RYR1: variants seen among roughly 807,000 people sequenced by gnomAD.
RYR1 encodes the protein central core disease of muscle.
Under a neutral mutation model 583.5 loss-of-function variants are expected in RYR1, and 342 were observed. That is an observed-to-expected ratio of 0.59 (90% CI 0.54 to 0.64). The LOEUF is 0.64. Among genes scored for constraint, RYR1 ranks in the 30% least tolerant of loss-of-function variants. The probability of loss-of-function intolerance (pLI) is 0.00; values close to 1 mark genes in which losing one functional copy is unlikely to be tolerated. For synonymous variants in RYR1, 2,791 were observed against 2,822.5 expected (o/e 0.99, Z 0.35); for missense variants, 6,032 against 6,917.2 (o/e 0.87, Z 4.54).
At position 38,466,170 on chromosome 19, in the gene RYR1, G is replaced by A; in HGVS notation, c.2950G>A (p.Val984Met). ...GCTGACGCCGGCGCAGACGACACTG[G>A]TGGACCGTCTGGCAGAAAATGGGCA... ...VRLTPAQTTL[V>M]DRLAENGHNV... Residue 984 changes from valine (V) to methionine (M), a missense_variant, in exon 24 of 106, where the codon GTG becomes ATG. By Grantham distance (21) the Val-to-Met change is conservative (BLOSUM62 1). This residue lies in a region of RYR1 where 2,627 missense variants were observed against 2,961.3 expected (regional missense o/e 0.89). Coordinates refer to ENST00000359596, the MANE Select transcript of RYR1 (RefSeq NM_000540.3). 1 of 1,613,554 alleles carries A rather than the reference G, an allele frequency of 6.2e-7. No homozygotes were observed. The highest frequency in any genetic ancestry group is 8.5e-7 in the Non-Finnish European group (1 of 1,179,934).
intron 34 of RYR1, 106 bp downstream of exon 34, chr19:38,486,308 T>C: frequency 7.4e-7 from 1 of 1,349,174 alleles, no homozygotes; most frequent in Non-Finnish European, 1.1e-6. Flanking sequence ...CAACCACCCA[T>C]TCATTCCCTC....
rs1263202009 is a variant in RYR1, at chr19:38,500,943, G to C, written c.7567G>C (p.Asp2523His). Residue 2523 changes from aspartate to histidine, a missense_variant, in exon 47 of 106, where the codon GAC becomes CAC. Coordinates refer to ENST00000359596, the MANE Select transcript of RYR1 (RefSeq NM_000540.3). This position sits in a 1 kb window ranked among gnomAD's most constrained non-coding sequence, Gnocchi z 5.9. ...ENQDFLLHVLDVGFLPDMRAA... is the reference protein window; with the variant it reads ...ENQDFLLHVLHVGFLPDMRAA... ...CCAGGACTTCTTGCTGCACGTGCTG[G>C]ACGTGGGGTTCCTGCCCGACATGAG... The C allele has an allele frequency of 6.2e-7, 1 of 1,614,020 alleles. No individual in the cohort carries two copies. The highest frequency in any genetic ancestry group is 1.7e-5 in the Admixed American group (1 of 59,998).
intron 89 of RYR1, among the ~76,000 whole-genome samples, chr19:38,557,427 G>A (rs969821731): frequency 1.3e-5 from 2 of 152,244 alleles, no homozygotes; most frequent in Non-Finnish European, 2.9e-5. Context: ...GGGTGTGGGA[G>A]TGAGCAGGGT....
chr19:38,545,010 C>G (rs943771381), intron 87 of RYR1, among the ~76,000 whole-genome samples: 7 of 152,068 alleles, frequency 4.6e-5, no homozygotes, highest in African/African-American at 1.7e-4. Context: ...GCCTCAGGCT[C>G]CTATCCACTC....
rs139211752 is a variant in RYR1, at chr19:38,528,636, G to C, written c.10975G>C (p.Ala3659Pro). The stretch of plus-strand genomic sequence containing the variant: ...TAACATGTTCCTGGAGAGCTACAAG[G>C]CTGCATGGATCCTGACTGAAGACCA... ...ACNMFLESYKAAWILTEDHSF... is the reference protein window; with the variant it reads ...ACNMFLESYKPAWILTEDHSF... Residue 3659 changes from alanine to proline, a missense_variant, in exon 75 of 106, where the codon GCT becomes CCT. Transcript: ENST00000359596. 1 of 1,614,090 alleles carries C rather than the reference G, an allele frequency of 6.2e-7. No individual in the cohort carries two copies. The highest frequency in any genetic ancestry group is 8.5e-7 in the Non-Finnish European group (1 of 1,180,040).
Position 38,501,048 on chromosome 19 carries a change from G to T in RYR1, c.7614+58G>T, listed in dbSNP as rs1236537079. ...CCACTTCCACAGAGGGACAGGAGATGGGTCACGGTAGAGCAGCAGCAGCTG... is the reference window on the plus strand; with the variant it reads ...CCACTTCCACAGAGGGACAGGAGATTGGTCACGGTAGAGCAGCAGCAGCTG... On this transcript the variant is annotated intron_variant, in intron 47 of 105. Transcript: ENST00000359596. 8.3e-6 allele frequency: 13 copies of T among 1,561,748 alleles called. No individual in the cohort carries two copies. The East Asian group carries it at 2.5e-4, about 30-fold the overall frequency.
At position 38,478,438 on chromosome 19, in the gene RYR1, C is replaced by T; in HGVS notation, c.4458C>T (p.Leu1486=). ...TGACCGCTTCTGTCTCCTGCAGCCT[C>T]AAGTGTAGCAACTGCTACATGGTGT... The part of the protein sequence containing the change: ...GDEQGNVHSS[L]KCSNCYMVWG... Residue 1486 remains leucine, a synonymous_variant, in exon 31 of 106, where the codon CTC becomes CTT. Transcript: ENST00000359596. The T allele has an allele frequency of 6.2e-7, 1 of 1,613,448 alleles. No individual in the cohort carries two copies. Among genetic ancestry groups the T allele is most frequent in the Non-Finnish European group, 8.5e-7 (1 of 1,180,022 alleles).
At position 38,565,739 on chromosome 19, in the gene RYR1, G is replaced by A; in HGVS notation, c.13405G>A (p.Glu4469Lys). The A allele has an allele frequency of 1.4e-6, 2 of 1,427,764 alleles. No individual in the cohort carries two copies. Among genetic ancestry groups the A allele is most frequent in the Non-Finnish European group, 1.8e-6 (2 of 1,098,962 alleles). The allele number at this position is 1,427,764 out of a possible 1,614,324, so 88.4% of individuals were successfully genotyped here. A position where few individuals can be genotyped will look rare whatever the true frequency, so the allele number is the denominator to read the frequency against. ...GACGCCTGCGGAACCGCCCACACCCGAGGGCTCTCCCATCCTCAAGAGGAA... is the reference window on the plus strand; with the variant it reads ...GACGCCTGCGGAACCGCCCACACCCAAGGGCTCTCCCATCCTCAAGAGGAA... The part of the protein sequence containing the change: ...DTTPAEPPTP[E>K]GSPILKRKLG... Residue 4469 changes from glutamate (E) to lysine (K), a missense_variant, in exon 91 of 106, where the codon GAG becomes AAG. Physicochemically the swap from Glu to Lys is moderately conservative, Grantham distance 56. Around this residue, in one of 11 missense-constraint regions of RYR1, gnomAD observed 753 missense variants for 759.6 expected, o/e 0.99. Transcript: ENST00000359596. This position sits in a 1 kb window ranked among gnomAD's most constrained non-coding sequence, Gnocchi z 4.7.
At position 38,467,795 on chromosome 19, in the gene RYR1, G is replaced by A; in HGVS notation, c.3364G>A (p.Val1122Ile). Reference protein sequence around the residue: ...VELGADELAYVFNGHRGQRWH... With the variant: ...VELGADELAYIFNGHRGQRWH... ...GCTGGGAGCTGACGAGCTGGCCTAT[G>A]TCTTCAATGGGCACCGCGTGGGTAC... The change falls in exon 25 of 106, where the codon GTC becomes ATC. Residue 1122 changes from valine to isoleucine, a missense_variant. Val to Ile is a conservative substitution (Grantham distance 29, BLOSUM62 3). This residue lies in a region of RYR1 where 2,627 missense variants were observed against 2,961.3 expected (regional missense o/e 0.89). Transcript: ENST00000359596. 1 of 1,614,106 alleles carries A rather than the reference G, an allele frequency of 6.2e-7. No individual in the cohort carries two copies. The highest frequency in any genetic ancestry group is 8.5e-7 in the Non-Finnish European group (1 of 1,180,040).
chr19:38,468,966 G>A lies in RYR1; in HGVS notation c.3382G>A (p.Gly1128Ser), dbSNP rs773310568. ...ATGTCTTCTCTGGCTGTCCTCACAG[G>A]GCCAGCGCTGGCACTTGGGCAGTGA... ...ELAYVFNGHRGQRWHLGSEPF... is the reference protein window; with the variant it reads ...ELAYVFNGHRSQRWHLGSEPF... The change falls in exon 26 of 106, where the codon GGC becomes AGC. Residue 1128 changes from glycine (G) to serine (S), a missense_variant and splice_region_variant. Transcript: ENST00000359596. 10 of 1,613,858 alleles carry A rather than the reference G, an allele frequency of 6.2e-6. No homozygotes were observed. The highest frequency in any genetic ancestry group is 8.5e-6 in the Non-Finnish European group (10 of 1,180,004).
chr19:38,545,120 A>G (rs1355942644), intron 87 of RYR1, among the ~76,000 whole-genome samples: 1 of 152,076 alleles, frequency 6.6e-6, no homozygotes, highest in African/African-American at 2.4e-5. Context: ...ATTGGGTCAC[A>G]TGTCCCTCCC....
At chr19:38,531,410 G>T (rs957250189) in intron 76 of RYR1, among the ~76,000 whole-genome samples, 2 of 151,914 alleles carry the variant, frequency 1.3e-5, no homozygotes, top group African/African-American at 4.8e-5. Flanking sequence ...GTGAGGGTCA[G>T]TTTGTTAATA....
rs776165843 is a variant in RYR1 at position 38,455,759 on chromosome 19, C to G, written c.1791+8C>G. ...CATGGGAGGAACCACAAGGTCGGCC[C>G]CTCACCCCTGACCTCTCATCCCCTG... On this transcript the variant is annotated splice_region_variant and intron_variant, in intron 16 of 105. Transcript: ENST00000359596. The G allele has an allele frequency of 1.3e-6, 2 of 1,552,790 alleles. No individual in the cohort carries two copies. Among genetic ancestry groups the G allele is most frequent in the Admixed American group, 3.3e-5 (2 of 59,896 alleles).
chr19:38,560,808 C>T, intron 89 of RYR1, among the ~76,000 whole-genome samples: 1 of 150,594 alleles, frequency 6.6e-6, no homozygotes, highest in Admixed American at 6.6e-5. Context: ...CCCTTGAGCC[C>T]AGGAGTTTGA....
At chr19:38,505,174 A>AC (rs1398231311) in intron 52 of RYR1, 93 bp downstream of exon 52, 8 of 1,218,998 alleles carry the variant, frequency 6.6e-6, no homozygotes, top group South Asian at 3.7e-5. Flanking sequence ...TCTCCCTGAG[A>AC]CCCCCCAGCC....
At chr19:38,435,775 G>T (rs1972400027) in intron 1 of RYR1, among the ~76,000 whole-genome samples, 1 of 152,122 alleles carries the variant, frequency 6.6e-6, no homozygotes, top group Non-Finnish European at 1.5e-5. Flanking sequence ...CCGCCCATAA[G>T]AAACATTCTG....
Position 38,585,118 on chromosome 19 carries a change from C to T in RYR1, c.14803+19C>T, listed in dbSNP as rs373551679. ...ATCCAGGGTCAGTGCTGGGAGTGGG[C>T]GCTCAGGGCCCGGAGGCAGGCTAGC... On this transcript the variant is annotated intron_variant, in intron 102 of 105. Transcript: ENST00000359596. 2.6e-5 allele frequency: 42 copies of T among 1,612,270 alleles called. No homozygotes were observed. The highest frequency in any genetic ancestry group is 1.4e-4 in the South Asian group (13 of 90,882).
chr19:38,499,767 CCGAGGACCCTG>C lies in RYR1; in HGVS notation c.7166_7176del (p.Asp2389GlyfsTer16). ...GCCATCGAAGAGGCCATCCGCATCTCCGAGGACCCTGCGAGGGATGGCCCAGGCATCCGCAG... is the reference window on the plus strand; with the variant it reads ...GCCATCGAAGAGGCCATCCGCATCTCCGAGGGATGGCCCAGGCATCCGCAG... On this transcript the variant is annotated frameshift_variant, in exon 44 of 106. Transcript: ENST00000359596. LOFTEE classifies it high-confidence loss of function. This position sits in a 1 kb window ranked among gnomAD's most constrained non-coding sequence, Gnocchi z 7.3. The C allele has an allele frequency of 6.2e-7, 1 of 1,602,662 alleles. No individual in the cohort carries two copies. Among genetic ancestry groups the C allele is most frequent in the Admixed American group, 1.7e-5 (1 of 59,808 alleles).
chr19:38,554,155 G>A (rs1382008740), intron 89 of RYR1, among the ~76,000 whole-genome samples: 1 of 151,698 alleles, frequency 6.6e-6, no homozygotes. Flanking sequence ...GAGGAAGGCT[G>A]TAGTATTTGG....
Sources: allele counts gnomAD v4.1 joint callset (sites outside exome capture counted in the v4.1 genomes callset), GRCh38; gene constraint gnomAD v4.1.1; regional missense constraint gnomAD v4.1.1; non-coding constraint Gnocchi (gnomAD v3.1); transcripts MANE v1.5; gene names NCBI Gene and HGNC (gene_info 2026-07-23, HGNC 2026-07-21).